The following CNTN6 variants were observed in gnomAD, a reference collection of about 807,000 sequenced individuals.
The protein encoded by CNTN6 is contactin-6.
A neutral mutation model predicts 122.8 loss-of-function variants in CNTN6; 137 were observed. The ratio of observed to expected loss-of-function variants is 1.12; its 90% confidence interval spans 0.97 to 1.29. The LOEUF is 1.29. Among genes scored for constraint, CNTN6 ranks in the 50% most tolerant of loss-of-function variants. The pLI is 0.00. For synonymous variants in CNTN6, 570 were observed against 426.0 expected, an observed-to-expected ratio of 1.34 and a Z score of -4.16; for missense variants, 1,634 against 1,223.4, an observed-to-expected ratio of 1.34 and a Z score of -5.01.
At chr3:1,174,902 CACAG>C (rs1005628042) in intron 2 of CNTN6, among the ~76,000 whole-genome samples, 5 of 152,146 alleles carry the variant, frequency 3.3e-5, no homozygotes, top group Admixed American at 6.6e-5. Flanking sequence ...CGTGTGCACA[CACAG>C]ACACACTCCC....
In CNTN6 at chr3:1,277,346, C is replaced by CTTTTTTTTTTTTTTTTTTTTT. The variant is rs10599744; in HGVS notation, c.359-1056_359-1036dup. Among the ~76,000 whole-genome samples the CTTTTTTTTTTTTTTTTTTTTT allele has an allele frequency of 2.7e-4, 22 of 80,188 alleles. 3 individuals are homozygous for CTTTTTTTTTTTTTTTTTTTTT. Among genetic ancestry groups the CTTTTTTTTTTTTTTTTTTTTT allele is most frequent in the Middle Eastern group, 0.011 (1 of 92 alleles). The allele number at this position is 80,188 out of a possible 152,430, so 52.6% of individuals were successfully genotyped here. A position where few individuals can be genotyped will look rare whatever the true frequency, so the allele number is the denominator to read the frequency against. On this transcript the variant is annotated intron_variant, in intron 4 of 22. Coordinates refer to ENST00000446702, the MANE Select transcript of CNTN6 (RefSeq NM_001289080.2). Reference sequence around the variant, plus strand: ...CTACTTCTGTCTTTTAGTAGGTTTTCTTTTTTTTTTTTTTTTTTTTTTTTT... The same window carrying CTTTTTTTTTTTTTTTTTTTTT: ...CTACTTCTGTCTTTTAGTAGGTTTTCTTTTTTTTTTTTTTTTTTTTTTTTTTTTTTTTTTTTTTTTTTTTTT...
intron 4 of CNTN6, among the ~76,000 whole-genome samples, chr3:1,241,747 GTCC>G (rs1229869027): frequency 6.6e-6 from 1 of 152,160 alleles, no homozygotes; most frequent in Admixed American, 6.5e-5. Flanking sequence ...AATATGCAGA[GTCC>G]TCCTTTTTCA....
Position 1,329,748 on chromosome 3 carries a change from A to G in CNTN6, c.1214-37A>G, listed in dbSNP as rs753071681. The G allele has an allele frequency of 3.2e-6, 5 of 1,582,100 alleles. No individual in the cohort carries two copies. In the Admixed American group the frequency reaches 7.0e-5, roughly 22 times the overall value. On this transcript the variant is annotated intron_variant, in intron 10 of 22. Coordinates refer to ENST00000446702, the MANE Select transcript of CNTN6 (RefSeq NM_001289080.2). ...CCCTGGAGTCACTACATGTTAACTG[A>G]GTAATTAAACAATTTTGTCTTTGAT...
chr3:1,144,245 A>G (rs2092676688), intron 1 of CNTN6, among the ~76,000 whole-genome samples: 1 of 152,180 alleles, frequency 6.6e-6, no homozygotes, highest in African/African-American at 2.4e-5. Flanking sequence ...AGTGTGCTCT[A>G]GAATCTTTAA....
At position 1,403,317 on chromosome 3, in the gene CNTN6, G is replaced by A. The variant is rs1257358588; in HGVS notation, c.2987-1G>A. On this transcript the variant is annotated splice_acceptor_variant, in intron 22 of 22. Transcript: ENST00000446702. LOFTEE classifies it high-confidence loss of function. ...TTTTGTCTTATTTTTATATTTTGCA[G>A]GTTTGAGTTCCAGAGGAATTCAATT... 6.3e-7 allele frequency: 1 copy of A among 1,593,366 alleles called. No individual in the cohort carries two copies. Among genetic ancestry groups the A allele is most frequent in the Non-Finnish European group, 8.6e-7 (1 of 1,166,892 alleles).
intron 1 of CNTN6, among the ~76,000 whole-genome samples, chr3:1,119,615 C>T (rs193164658): frequency 1.3e-5 from 2 of 151,898 alleles, no homozygotes; most frequent in African/African-American, 2.4e-5. Context: ...GTAAACAGAA[C>T]TTCAGTTACT....
intron 2 of CNTN6, among the ~76,000 whole-genome samples, chr3:1,154,519 C>T (rs1386077657): frequency 6.6e-6 from 1 of 150,856 alleles, no homozygotes. Flanking sequence ...TCTTGGCTCA[C>T]TGCAACCTCT....
At chr3:1,364,414 C>G (rs578194758) in intron 12 of CNTN6, among the ~76,000 whole-genome samples, 2 of 151,642 alleles carry the variant, frequency 1.3e-5, no homozygotes, top group African/African-American at 2.4e-5. Context: ...ACACTTTTGT[C>G]TATCCTTTGA....
intron 1 of CNTN6, among the ~76,000 whole-genome samples, chr3:1,104,703 A>T (rs753272814): frequency 1.3e-5 from 2 of 152,092 alleles, no homozygotes; most frequent in East Asian, 1.9e-4. Context: ...TTGTTATTCT[A>T]TTACTCTGCA....
intron 12 of CNTN6, among the ~76,000 whole-genome samples, chr3:1,369,584 A>G (rs1255150272): frequency 6.6e-6 from 1 of 152,172 alleles, no homozygotes; most frequent in East Asian, 1.9e-4. Flanking sequence ...AGCTATGTAG[A>G]TAGGGAATAA....
chr3:1,145,195 G>A (rs1299825361), intron 1 of CNTN6, among the ~76,000 whole-genome samples: 1 of 152,054 alleles, frequency 6.6e-6, no homozygotes, highest in Non-Finnish European at 1.5e-5. Flanking sequence ...CAGATCAACG[G>A]GTTTATTATC....
intron 7 of CNTN6, among the ~76,000 whole-genome samples, chr3:1,313,147 C>T (rs779010272): frequency 6.6e-6 from 1 of 151,922 alleles, no homozygotes; most frequent in Admixed American, 6.6e-5. Context: ...CATTTTCTCT[C>T]CTAAGAGCAG....
chr3:1,265,617 A>G (rs1229229899), intron 4 of CNTN6, among the ~76,000 whole-genome samples: 1 of 152,176 alleles, frequency 6.6e-6, no homozygotes, highest in Non-Finnish European at 1.5e-5. Context: ...AGAAAAGACT[A>G]TTTCTAAGAG....
At chr3:1,095,639 C>A (rs188311516) in intron 1 of CNTN6, among the ~76,000 whole-genome samples, 339 of 152,208 alleles carry the variant, frequency 2.2e-3, no homozygotes, top group African/African-American at 7.9e-3. Flanking sequence ...CAGAATAATA[C>A]CCTTACAGTT....
chr3:1,270,862 C>T (rs958235612), intron 4 of CNTN6, among the ~76,000 whole-genome samples: 2 of 152,042 alleles, frequency 1.3e-5, no homozygotes, highest in Non-Finnish European at 2.9e-5. Flanking sequence ...AATGCACTCT[C>T]GAGCCACAAT....
At chr3:1,103,710 T>C (rs972623152) in intron 1 of CNTN6, among the ~76,000 whole-genome samples, 1 of 152,144 alleles carries the variant, frequency 6.6e-6, no homozygotes, top group East Asian at 1.9e-4. Context: ...CCTGAGCCAA[T>C]TGCTTTTACC....
chr3:1,199,212 T>C (rs2093824699), intron 2 of CNTN6, among the ~76,000 whole-genome samples: 1 of 137,710 alleles, frequency 7.3e-6, no homozygotes, highest in Admixed American at 7.5e-5. Context: ...AAGGTCTCCC[T>C]CTGTCACTCA....
chr3:1,099,390 G>A (rs1049407877), intron 1 of CNTN6, among the ~76,000 whole-genome samples: 12 of 152,086 alleles, frequency 7.9e-5, no homozygotes, highest in African/African-American at 2.7e-4. Context: ...GGCGGAGCTT[G>A]CAGTGAGCCG....
chr3:1,134,349 C>G (rs927801553), intron 1 of CNTN6, among the ~76,000 whole-genome samples: 5 of 152,126 alleles, frequency 3.3e-5, no homozygotes, highest in Admixed American at 2.0e-4. Context: ...TCACGGAGTC[C>G]TTTGGATTCC....
Sources: allele counts gnomAD v4.1 joint callset (sites outside exome capture counted in the v4.1 genomes callset), GRCh38; gene constraint gnomAD v4.1.1; transcripts MANE v1.5; gene names NCBI Gene and HGNC (gene_info 2026-07-23, HGNC 2026-07-21).